Variants in PDS5A observed in about 807,000 individuals in gnomAD.
The protein encoded by PDS5A is sister chromatid cohesion protein PDS5 homolog A.
In PDS5A, 42 loss-of-function variants were observed where a neutral mutation model predicts 167.1. That is an observed-to-expected ratio of 0.25 (90% CI 0.20 to 0.33). The LOEUF is 0.33. Among genes scored for constraint, PDS5A ranks in the 10% least tolerant of loss-of-function variants. The pLI is 1.00. For missense variants in PDS5A, 1,033 were observed against 1,605.9 expected (o/e 0.64, Z 6.10); for synonymous variants, 553 against 554.6 (o/e 1.00, Z 0.04).
At chr4:39,960,010 T>C (rs1006019534) in intron 2 of PDS5A, among the ~76,000 whole-genome samples, 11 of 152,062 alleles carry the variant, frequency 7.2e-5, no homozygotes, top group African/African-American at 2.4e-4. Context: ...GGAGAATCGC[T>C]TGAAACTGGG....
rs1425890715 is a variant in PDS5A at position 39,977,803 on chromosome 4, A to T, written c.-387T>A. The T allele has an allele frequency of 1.3e-5, 2 of 148,818 alleles. No homozygotes were observed. The highest frequency in any genetic ancestry group is 3.0e-5 in the Non-Finnish European group (2 of 66,762). 9.2% of individuals were successfully genotyped at this position (148,818 alleles called of 1,614,324 possible). A position where few individuals can be genotyped will look rare whatever the true frequency, so the allele number is the denominator to read the frequency against. On this transcript the variant is annotated 5_prime_UTR_variant, in exon 1 of 33. Coordinates refer to ENST00000303538, the MANE Select transcript of PDS5A (RefSeq NM_001100399.2). The surrounding 1 kb of genome is among the most constrained non-coding windows in gnomAD (Gnocchi z 4.2). The stretch of plus-strand genomic sequence containing the variant: ...CACCTCGCGCCGGCCCGGACCGCCG[A>T]CTCGGACCCGGACGCCCCTCGCAGA...
intron 2 of PDS5A, among the ~76,000 whole-genome samples, chr4:39,953,285 C>T (rs984286236): frequency 7.9e-5 from 12 of 152,090 alleles, no homozygotes; most frequent in Non-Finnish European, 1.3e-4. Context: ...ACAGTTTCAC[C>T]GTGGCTGGGG....
At chr4:39,948,210 CAAAAAAA>C (rs35177594) in intron 2 of PDS5A, among the ~76,000 whole-genome samples, 9 of 96,460 alleles carry the variant, frequency 9.3e-5, no homozygotes, top group African/African-American at 3.7e-4. Flanking sequence ...TATCCCGTCT[CAAAAAAA>C]AAAAAAAAAA....
At chr4:39,917,636 G>A (rs906403706) in intron 7 of PDS5A, among the ~76,000 whole-genome samples, 1 of 151,924 alleles carries the variant, frequency 6.6e-6, no homozygotes, top group Admixed American at 6.6e-5. Flanking sequence ...GTACAGTGGC[G>A]TGATCTCGGC....
chr4:39,889,557 GCTTAT>G (rs1181026014), intron 17 of PDS5A, among the ~76,000 whole-genome samples: 1 of 152,196 alleles, frequency 6.6e-6, no homozygotes, highest in Non-Finnish European at 1.5e-5. Context: ...AAGATATATA[GCTTAT>G]CTACTGGAAA....
chr4:39,848,406 TTTTA>T (rs2109512835), intron 28 of PDS5A: 1 of 163,772 alleles, frequency 6.1e-6, no homozygotes, highest in African/African-American at 2.4e-5. Context: ...TATTGAATGG[TTTTA>T]TGTGATAAAC....
At chr4:39,967,590 T>C (rs1730101789) in intron 2 of PDS5A, among the ~76,000 whole-genome samples, 1 of 151,642 alleles carries the variant, frequency 6.6e-6, no homozygotes, top group Admixed American at 6.6e-5. Context: ...GAAGTTGCAG[T>C]GAGCCAAGAT....
chr4:39,930,246 A>ATTT, intron 2 of PDS5A, among the ~76,000 whole-genome samples: 1 of 93,164 alleles, frequency 1.1e-5, no homozygotes, highest in Non-Finnish European at 2.2e-5. Flanking sequence ...AAAAAAAAAA[A>ATTT]GTTTTTTTGT....
rs1261384725 is a variant in PDS5A at position 39,973,850 on chromosome 4, G to A, written c.138+2590C>T. The A allele has an allele frequency of 2.3e-5, 22 of 940,294 alleles. No individual in the cohort carries two copies. The South Asian group carries it at 2.8e-4, about 12-fold the overall frequency. 58.2% of individuals were successfully genotyped at this position (940,294 alleles called of 1,614,324 possible). A position where few individuals can be genotyped will look rare whatever the true frequency, so the allele number is the denominator to read the frequency against. The stretch of plus-strand genomic sequence containing the variant: ...ACTCAGAACCGTGCTGCAAGACCGG[G>A]CGCGGTGGCTCACGCCTGTAATCCC... On this transcript the variant is annotated intron_variant, in intron 2 of 32. Transcript: ENST00000303538.
At position 39,842,081 on chromosome 4, in the gene PDS5A, C is replaced by G. The variant is rs145945920; in HGVS notation, c.3549-25G>C. 8.7e-6 allele frequency: 12 copies of G among 1,383,736 alleles called. No homozygotes were observed. The African/African-American group carries it at 1.7e-4, about 20-fold the overall frequency. The allele number at this position is 1,383,736 out of a possible 1,614,324, so 85.7% of individuals were successfully genotyped here. On this transcript the variant is annotated intron_variant, in intron 30 of 32. Transcript: ENST00000303538. ...CCTGTTTAAAACAAATAAACCAAGA[C>G]TTCATATTTCCATGAAGAGAAAGTT... is the stretch of plus-strand genomic sequence containing the variant.
chr4:39,949,696 T>A (rs1728143777), intron 2 of PDS5A, among the ~76,000 whole-genome samples: 1 of 151,216 alleles, frequency 6.6e-6, no homozygotes, highest in East Asian at 1.9e-4. Flanking sequence ...TAGCTTGGCA[T>A]GGTGGCGCAC....
intron 12 of PDS5A, 41 bp downstream of exon 12, chr4:39,903,999 T>C (rs768358591): frequency 8.3e-7 from 1 of 1,207,592 alleles, no homozygotes; most frequent in Non-Finnish European, 1.1e-6. Context: ...AAGTAAAAAG[T>C]AGTTTTACAC....
intron 23 of PDS5A, among the ~76,000 whole-genome samples, chr4:39,864,953 T>C (rs994443125): frequency 2.0e-5 from 3 of 152,198 alleles, no homozygotes; most frequent in African/African-American, 2.4e-5. Flanking sequence ...TGCTTGTGTA[T>C]AAGCTTTCAT....
chr4:39,874,190 C>A, intron 20 of PDS5A, 99 bp downstream of exon 20: 1 of 955,566 alleles, frequency 1.0e-6, no homozygotes, highest in South Asian at 1.7e-5. Context: ...GGTAGGACTT[C>A]ATATAAACAG....
At chr4:39,944,509 A>G (rs1165068286) in intron 2 of PDS5A, among the ~76,000 whole-genome samples, 2 of 152,036 alleles carry the variant, frequency 1.3e-5, no homozygotes, top group Non-Finnish European at 2.9e-5. Context: ...CCTGACCAAC[A>G]TGGAGAAAGC....
intron 2 of PDS5A, among the ~76,000 whole-genome samples, chr4:39,965,124 C>G (rs1038543972): frequency 1.3e-5 from 2 of 152,086 alleles, no homozygotes; most frequent in African/African-American, 4.8e-5. Context: ...GACAACAGTA[C>G]TTTCTTTTAA....
intron 6 of PDS5A, among the ~76,000 whole-genome samples, chr4:39,921,010 GAAT>G (rs1038556949): frequency 6.6e-6 from 1 of 152,080 alleles, no homozygotes; most frequent in Non-Finnish European, 1.5e-5. Flanking sequence ...TTCTTGTTTT[GAAT>G]AATACCTATT....
chr4:39,974,674 G>C (rs773728944), intron 2 of PDS5A, among the ~76,000 whole-genome samples: 10 of 152,030 alleles, frequency 6.6e-5, no homozygotes, highest in Non-Finnish European at 1.5e-4. Context: ...CCTCCCAGTA[G>C]CTAGGATTAC....
At chr4:39,923,746 C>A (rs1725227528) in intron 5 of PDS5A, among the ~76,000 whole-genome samples, 1 of 151,448 alleles carries the variant, frequency 6.6e-6, no homozygotes, top group Non-Finnish European at 1.5e-5. Context: ...TTTAAGGAAA[C>A]AAACAAAAAA....
Sources: allele counts gnomAD v4.1 joint callset (sites outside exome capture counted in the v4.1 genomes callset), GRCh38; gene constraint gnomAD v4.1.1; non-coding constraint Gnocchi (gnomAD v3.1); transcripts MANE v1.5; gene names NCBI Gene and HGNC (gene_info 2026-07-23, HGNC 2026-07-21).